The following ADAMTSL4 variants were observed in gnomAD, a reference collection of about 807,000 sequenced individuals.
ADAMTSL4 encodes ADAMTS like 4.
Under a neutral mutation model 122.8 loss-of-function variants are expected in ADAMTSL4, and 97 were observed. The ratio of observed to expected loss-of-function variants is 0.79; its 90% CI spans 0.67 to 0.93. The LOEUF (loss-of-function observed/expected upper bound fraction) is 0.93, where lower values mean the gene tolerates loss of function less well. ADAMTSL4 is among the 40% of genes least tolerant of loss of function. The probability of loss-of-function intolerance (pLI) is 0.00; values close to 1 mark genes in which losing one functional copy is unlikely to be tolerated. For synonymous variants in ADAMTSL4, 592 were observed against 568.0 expected, an observed-to-expected ratio of 1.04 and a Z score of -0.60; for missense variants, 1,408 against 1,453.5, an observed-to-expected ratio of 0.97 and a Z score of 0.51.
At position 150,559,627 on chromosome 1, in the gene ADAMTSL4, CCT is replaced by C; in HGVS notation, c.2944-130_2944-129del. The C allele has an allele frequency of 1.3e-6, 2 of 1,557,004 alleles. No homozygotes were observed. The highest frequency in any genetic ancestry group is 2.3e-5 in the South Asian group (2 of 88,002). ...TTATAGACTTGGAGGAAAGATGGGC[CCT>C]CTCCATTTGGGATTTCACAATGTCC... On this transcript the variant is annotated intron_variant, in intron 17 of 18. Transcript: ENST00000271643. The surrounding 1 kb of genome is among the most constrained non-coding windows in gnomAD (Gnocchi z 4.1).
chr1:150,554,523 G>A lies in ADAMTSL4; in HGVS notation c.1234+56G>A, dbSNP rs776069420. On this transcript the variant is annotated intron_variant, in intron 7 of 18. Coordinates refer to ENST00000271643, the MANE Select transcript of ADAMTSL4 (RefSeq NM_019032.6). This position sits in a 1 kb window ranked among gnomAD's most constrained non-coding sequence, Gnocchi z 4.0. The stretch of plus-strand genomic sequence containing the variant: ...GTGGCTTGGAATTGGGGATGAAGGG[G>A]AGAGGAGATACCTGCTTACTCCCAG... The A allele has an allele frequency of 4.4e-6, 7 of 1,609,018 alleles. No homozygotes were observed. The highest frequency in any genetic ancestry group is 5.9e-6 in the Non-Finnish European group (7 of 1,177,712).
Position 150,554,041 on chromosome 1 carries a change from C to T in ADAMTSL4, c.1050C>T (p.Ser350=). The T allele has an allele frequency of 6.2e-7, 1 of 1,609,272 alleles. No homozygotes were observed. The highest frequency in any genetic ancestry group is 1.3e-5 in the African/African-American group (1 of 75,042). ...PLLSNGPHAS[S]LWSLFAPSSP... is the part of the protein sequence containing the mutation. ...TGAGCAACGGCCCCCATGCCAGCTC[C>T]CTCTGGAGCCTCTTTGCTCCCAGTA... The change falls in exon 6 of 19, where the codon TCC becomes TCT. Residue 350 remains serine (S), a synonymous_variant. Coordinates refer to ENST00000271643, the MANE Select transcript of ADAMTSL4 (RefSeq NM_019032.6). This position sits in a 1 kb window ranked among gnomAD's most constrained non-coding sequence, Gnocchi z 4.0.
At position 150,555,458 on chromosome 1, in the gene ADAMTSL4, TGCC is replaced by T. The variant is rs776094670; in HGVS notation, c.1266_1268del (p.Cys422_Arg423delinsTrp). On this transcript the variant is annotated inframe_deletion, in exon 8 of 19. Transcript: ENST00000271643. ...GGGCTCCCAGCGCTGTGAACTGAAC[TGCC>T]GGCCCCGTGGCTTCCGCTTCTATGT... 1.2e-6 allele frequency: 2 copies of T among 1,614,138 alleles called. No individual in the cohort carries two copies. The highest frequency in any genetic ancestry group is 4.5e-5 in the East Asian group (2 of 44,882).
Position 150,552,688 on chromosome 1 carries a change from C to T in ADAMTSL4, c.78+88C>T, listed in dbSNP as rs1314627885. The T allele has an allele frequency of 1.3e-5, 20 of 1,513,208 alleles. No individual in the cohort carries two copies. The highest frequency in any genetic ancestry group is 2.2e-4 in the Middle Eastern group (1 of 4,552). 93.7% of individuals were successfully genotyped at this position (1,513,208 alleles called of 1,614,324 possible). On this transcript the variant is annotated intron_variant, in intron 4 of 18. Transcript: ENST00000271643. This position sits in a 1 kb window ranked among gnomAD's most constrained non-coding sequence, Gnocchi z 4.0. Reference sequence around the variant, plus strand: ...CCCACCCCATCTCTCCAGGCCACGCCTCCATTCCCCACAGCCCACCCACCT... The same window carrying T: ...CCCACCCCATCTCTCCAGGCCACGCTTCCATTCCCCACAGCCCACCCACCT...
intron 2 of ADAMTSL4, 175 bp downstream of exon 2, chr1:150,550,070 T>C (rs1176886392): frequency 2.8e-6 from 1 of 362,974 alleles, no homozygotes; most frequent in African/African-American, 2.1e-5. Context: ...CCAACCACTC[T>C]CCAGCAGGGA....
chr1:150,552,716 C>T lies in ADAMTSL4; in HGVS notation c.78+116C>T, dbSNP rs1413905793. The T allele has an allele frequency of 4.3e-6, 6 of 1,385,074 alleles. No individual in the cohort carries two copies. Among genetic ancestry groups the T allele is most frequent in the Non-Finnish European group, 6.0e-6 (6 of 997,726 alleles). The allele number at this position is 1,385,074 out of a possible 1,614,324, so 85.8% of individuals were successfully genotyped here. A position where few individuals can be genotyped will look rare whatever the true frequency, so the allele number is the denominator to read the frequency against. On this transcript the variant is annotated intron_variant, in intron 4 of 18. Transcript: ENST00000271643. The surrounding 1 kb of genome is among the most constrained non-coding windows in gnomAD (Gnocchi z 4.0). ...CATTCCCCACAGCCCACCCACCTCC[C>T]CTGCCAACTCCCCAGTTCCTTGCCT... is the stretch of plus-strand genomic sequence containing the variant.
At position 150,552,813 on chromosome 1, in the gene ADAMTSL4, G is replaced by A. The variant is rs1671559716; in HGVS notation, c.79-85G>A. 17 of 1,436,748 alleles carry A rather than the reference G, an allele frequency of 1.2e-5. No homozygotes were observed. The highest frequency in any genetic ancestry group is 6.7e-5 in the Admixed American group (4 of 59,714). The allele number at this position is 1,436,748 out of a possible 1,614,324, so 89.0% of individuals were successfully genotyped here. On this transcript the variant is annotated intron_variant, in intron 4 of 18. Coordinates refer to ENST00000271643, the MANE Select transcript of ADAMTSL4 (RefSeq NM_019032.6). The surrounding 1 kb of genome is among the most constrained non-coding windows in gnomAD (Gnocchi z 4.0). ...GTGACCTTGGACTGGTAGCGACTCC[G>A]TGAGCCTCAGTGTTGGTCTACATGG...
intron 12 of ADAMTSL4, 56 bp from the exon 13 acceptor site, chr1:150,557,438 C>T: frequency 1.2e-6 from 2 of 1,611,768 alleles, no homozygotes; most frequent in Non-Finnish European, 1.7e-6. Context: ...GTCTGGGACA[C>T]CACTGAGCTT....
At position 150,549,417 on chromosome 1, in the gene ADAMTSL4, A is replaced by T. The variant is rs1488578069; in HGVS notation, c.-241A>T. 1 of 152,158 alleles carries T rather than the reference A, an allele frequency of 6.6e-6. No individual in the cohort carries two copies. Among genetic ancestry groups the T allele is most frequent in the African/African-American group, 2.4e-5 (1 of 41,364 alleles). 9.4% of individuals were successfully genotyped at this position (152,158 alleles called of 1,614,324 possible). On this transcript the variant is annotated 5_prime_UTR_variant, in exon 1 of 19. Coordinates refer to ENST00000271643, the MANE Select transcript of ADAMTSL4 (RefSeq NM_019032.6). This position sits in a 1 kb window ranked among gnomAD's most constrained non-coding sequence, Gnocchi z 5.0. ...GACCGGAGCGCGGCTCAGGGGCCCC[A>T]GTGGCCGCCGCGGAGCGAGGTTGCC...
rs113553233 is a variant in ADAMTSL4, at chr1:150,554,584, G to A, written c.1234+117G>A. On this transcript the variant is annotated intron_variant, in intron 7 of 18. Transcript: ENST00000271643. The surrounding 1 kb of genome is among the most constrained non-coding windows in gnomAD (Gnocchi z 4.0). ...CTTCCAGCCCCTCTGCTTCCCCTGC[G>A]CCATGCCTTCTTTCTTCTCCCTGGG... 2.7e-4 allele frequency: 415 copies of A among 1,553,858 alleles called. No individual in the cohort carries two copies. The African/African-American group carries it at 4.7e-3, about 18-fold the overall frequency.
rs773306040 is a variant in ADAMTSL4 at position 150,559,774 on chromosome 1, G to A, written c.2957G>A (p.Cys986Tyr). Reference sequence around the variant, plus strand: ...GGGTCGCCCCAGTGTTCTCGCTCCTGCCAAGGGGGAACGCAGACACGGGAG... The same window carrying A: ...GGGTCGCCCCAGTGTTCTCGCTCCTACCAAGGGGGAACGCAGACACGGGAG... ...STPWSPCSRS[C>Y]QGGTQTREVQ... The change falls in exon 18 of 19, where the codon TGC (cysteine) becomes TAC (tyrosine). Residue 986 changes from cysteine (C) to tyrosine (Y), a missense_variant. By Grantham distance (194) the Cys-to-Tyr change is radical. Coordinates refer to ENST00000271643, the MANE Select transcript of ADAMTSL4 (RefSeq NM_019032.6). This position sits in a 1 kb window ranked among gnomAD's most constrained non-coding sequence, Gnocchi z 4.1. 2.5e-6 allele frequency: 4 copies of A among 1,613,940 alleles called. No individual in the cohort carries two copies. The Admixed American group carries it at 5.0e-5, about 20-fold the overall frequency.
Position 150,556,062 on chromosome 1 carries a change from CA to C in ADAMTSL4, c.1372-95del. ...TGTTTTTGTGCTCTCACTTGTGGCA[CA>C]AAAAGCAGGGTAGTGAGCTGAGGCT... On this transcript the variant is annotated intron_variant, in intron 8 of 18. Transcript: ENST00000271643. This position sits in a 1 kb window ranked among gnomAD's most constrained non-coding sequence, Gnocchi z 4.1. 2 of 1,344,816 alleles carry C rather than the reference CA, an allele frequency of 1.5e-6. No individual in the cohort carries two copies. Among genetic ancestry groups the C allele is most frequent in the Non-Finnish European group, 2.1e-6 (2 of 954,334 alleles). The allele number at this position is 1,344,816 out of a possible 1,614,324, so 83.3% of individuals were successfully genotyped here.
rs587668918 is a variant in ADAMTSL4 at position 150,556,015 on chromosome 1, G to C, written c.1372-147G>C. ...ATCGGGCACCTGTCCATGTCCCTGG[G>C]TCTGGCTGGGGATGGTGGGGCTGTT... is the stretch of plus-strand genomic sequence containing the variant. On this transcript the variant is annotated intron_variant, in intron 8 of 18. Coordinates refer to ENST00000271643, the MANE Select transcript of ADAMTSL4 (RefSeq NM_019032.6). This position sits in a 1 kb window ranked among gnomAD's most constrained non-coding sequence, Gnocchi z 4.1. 15 of 797,546 alleles carry C rather than the reference G, an allele frequency of 1.9e-5. No individual in the cohort carries two copies. The African/African-American group carries it at 2.5e-4, about 13-fold the overall frequency. The allele number at this position is 797,546 out of a possible 1,614,324, so 49.4% of individuals were successfully genotyped here.
chr1:150,556,492 T>G lies in ADAMTSL4; in HGVS notation c.1576+126T>G. 1 of 1,558,172 alleles carries G rather than the reference T, an allele frequency of 6.4e-7. No homozygotes were observed. The highest frequency in any genetic ancestry group is 8.8e-7 in the Non-Finnish European group (1 of 1,135,786). On this transcript the variant is annotated intron_variant, in intron 9 of 18. Coordinates refer to ENST00000271643, the MANE Select transcript of ADAMTSL4 (RefSeq NM_019032.6). The surrounding 1 kb of genome is among the most constrained non-coding windows in gnomAD (Gnocchi z 4.1). Reference sequence around the variant, plus strand: ...CTAGCCCCTCCCCTCGTGGAAGGAGTGAGGAAGCTGAGAGGGCTTGGGGGG... The same window carrying G: ...CTAGCCCCTCCCCTCGTGGAAGGAGGGAGGAAGCTGAGAGGGCTTGGGGGG...
chr1:150,552,452 G>A lies in ADAMTSL4; in HGVS notation c.21-91G>A. 9 of 1,592,190 alleles carry A rather than the reference G, an allele frequency of 5.7e-6. No individual in the cohort carries two copies. Among genetic ancestry groups the A allele is most frequent in the Non-Finnish European group, 7.7e-6 (9 of 1,161,892 alleles). On this transcript the variant is annotated intron_variant, in intron 3 of 18. Coordinates refer to ENST00000271643, the MANE Select transcript of ADAMTSL4 (RefSeq NM_019032.6). This position sits in a 1 kb window ranked among gnomAD's most constrained non-coding sequence, Gnocchi z 4.0. ...CTGCTTTCTGAGAAGTTGGTAGTCA[G>A]GATATGGGAGCCGGCTGGGGGCGGA...
At position 150,558,460 on chromosome 1, in the gene ADAMTSL4, CT is replaced by C; in HGVS notation, c.2383-12del. 6.2e-7 allele frequency: 1 copy of C among 1,613,120 alleles called. No individual in the cohort carries two copies. The highest frequency in any genetic ancestry group is 8.5e-7 in the Non-Finnish European group (1 of 1,179,908). On this transcript the variant is annotated splice_polypyrimidine_tract_variant and intron_variant, in intron 14 of 18. Transcript: ENST00000271643. ...GGGAAGCCCAGCTCCCTGGATTCCC[CT>C]CGCCCCCTCAGTGCTCCGTGCGGTG... is the stretch of plus-strand genomic sequence containing the variant.
In ADAMTSL4 at chr1:150,555,650, T is replaced by C. The variant is rs587615583; in HGVS notation, c.1371+85T>C. The C allele has an allele frequency of 2.7e-4, 419 of 1,524,746 alleles. 1 individual carries two copies. Among genetic ancestry groups the C allele is most frequent in the South Asian group, 1.5e-3 (126 of 85,510 alleles). 94.5% of individuals were successfully genotyped at this position (1,524,746 alleles called of 1,614,324 possible). Reference sequence around the variant, plus strand: ...CCATATGCATACACATGTACACACATATGTATGAACACATGCACACATGCA... The same window carrying C: ...CCATATGCATACACATGTACACACACATGTATGAACACATGCACACATGCA... On this transcript the variant is annotated intron_variant, in intron 8 of 18. Transcript: ENST00000271643.
In ADAMTSL4 at chr1:150,558,486, G is replaced by A. The variant is rs763521345; in HGVS notation, c.2396G>A (p.Cys799Tyr). The change falls in exon 15 of 19, where the codon TGC (cysteine) becomes TAC (tyrosine). Residue 799 changes from cysteine (C) to tyrosine (Y), a missense_variant. By Grantham distance (194) the Cys-to-Tyr change is radical (BLOSUM62 -2). Transcript: ENST00000271643. The stretch of plus-strand genomic sequence containing the variant: ...TCGCCCCCTCAGTGCTCCGTGCGGT[G>A]CGGCCGGGGCCAGAGAAGCCGGCAG... ...GSPWSQCSVR[C>Y]GRGQRSRQVR... The A allele has an allele frequency of 8.7e-6, 14 of 1,613,674 alleles. No individual in the cohort carries two copies. In the Admixed American group the frequency reaches 1.3e-4, roughly 15 times the overall value.
chr1:150,551,887 A>C, intron 2 of ADAMTSL4: 5 of 190,098 alleles, frequency 2.6e-5, no homozygotes, highest in Non-Finnish European at 5.3e-5. Flanking sequence ...TGAGATCTCC[A>C]TCTCAAAAAA....
Sources: gnomAD v4.1 joint callset for allele counts on GRCh38, gnomAD v4.1.1 for gene constraint, Gnocchi (gnomAD v3.1) non-coding constraint, MANE v1.5 for transcripts, NCBI Gene and HGNC (gene_info 2026-07-23, HGNC 2026-07-21) for gene names.